The following EPHA6 variants were observed in gnomAD, a reference collection of about 807,000 sequenced individuals.
EPHA6 encodes the protein ephrin type-A receptor 6.
EPHA6 carries 50 observed loss-of-function variants against 112.0 expected under a neutral mutation model. That is an observed-to-expected ratio of 0.45 (90% CI 0.36 to 0.56). EPHA6 has a LOEUF of 0.56. Among genes scored for constraint, EPHA6 ranks in the 20% least tolerant of loss-of-function variants. EPHA6 has a pLI of 0.00. For missense variants in EPHA6, 1,280 were observed against 1,417.4 expected (o/e 0.90, Z 1.56); for synonymous variants, 529 against 490.7 (o/e 1.08, Z -1.03).
intron 1 of EPHA6, among the ~76,000 whole-genome samples, chr3:96,825,346 A>C (rs2107241673): frequency 6.6e-6 from 1 of 151,848 alleles, no homozygotes; most frequent in Non-Finnish European, 1.5e-5. Context: ...TAACAACACA[A>C]AATCTAAATT....
intron 10 of EPHA6, among the ~76,000 whole-genome samples, chr3:97,496,015 A>G (rs1018209361): frequency 1.3e-5 from 2 of 152,166 alleles, no homozygotes; most frequent in African/African-American, 4.8e-5. Flanking sequence ...AACTAAATCA[A>G]AATAACAGCT....
intron 6 of EPHA6, among the ~76,000 whole-genome samples, chr3:97,420,257 T>A (rs1211734562): frequency 6.6e-6 from 1 of 151,342 alleles, no homozygotes; most frequent in Non-Finnish European, 1.5e-5. Context: ...CTTTGATACA[T>A]CATTCCATTC....
chr3:96,952,157 A>G (rs1483263297), intron 2 of EPHA6, among the ~76,000 whole-genome samples: 2 of 152,214 alleles, frequency 1.3e-5, no homozygotes, highest in Non-Finnish European at 2.9e-5. Context: ...ACACCCATCC[A>G]GACAAGAAGG....
At chr3:97,445,460 A>T (rs547369520) in intron 6 of EPHA6, among the ~76,000 whole-genome samples, 1 of 152,302 alleles carries the variant, frequency 6.6e-6, no homozygotes, top group African/African-American at 2.4e-5. Flanking sequence ...GAATTTTTTA[A>T]ATCATACTTT....
chr3:96,961,052 A>G (rs1230414832), intron 2 of EPHA6, among the ~76,000 whole-genome samples: 1 of 152,242 alleles, frequency 6.6e-6, no homozygotes, highest in African/African-American at 2.4e-5. Context: ...GCTGGATTAA[A>G]CTGAGAATTG....
At chr3:97,561,656 T>C (rs2093194310) in intron 11 of EPHA6, among the ~76,000 whole-genome samples, 1 of 152,128 alleles carries the variant, frequency 6.6e-6, no homozygotes, top group African/African-American at 2.4e-5. Context: ...TTGCAAGTTA[T>C]CCAGAAGATC....
chr3:97,686,017 G>C (rs1216294784), intron 14 of EPHA6, among the ~76,000 whole-genome samples: 1 of 152,064 alleles, frequency 6.6e-6, no homozygotes, highest in Admixed American at 6.6e-5. Flanking sequence ...GAGAAATTAT[G>C]ATGAGTAACT....
chr3:97,105,959 T>A (rs2047554864), intron 3 of EPHA6, among the ~76,000 whole-genome samples: 1 of 152,156 alleles, frequency 6.6e-6, no homozygotes, highest in South Asian at 2.1e-4. Context: ...TGTCTAAAAT[T>A]AGGATTGCAA....
chr3:97,532,679 A>G, intron 11 of EPHA6, 136 bp downstream of exon 11: 1 of 710,138 alleles, frequency 1.4e-6, no homozygotes, highest in Non-Finnish European at 2.2e-6. Flanking sequence ...CCCCTCAGAG[A>G]CTTGATCCTA....
chr3:97,084,047 G>A (rs1458221621), intron 3 of EPHA6, among the ~76,000 whole-genome samples: 1 of 144,616 alleles, frequency 6.9e-6, no homozygotes, highest in Admixed American at 6.9e-5. Flanking sequence ...TTGGATAGGG[G>A]TGGTACATTT....
At chr3:97,126,062 CA>C (rs1014086834) in intron 3 of EPHA6, among the ~76,000 whole-genome samples, 6 of 152,214 alleles carry the variant, frequency 3.9e-5, no homozygotes, top group Non-Finnish European at 5.9e-5. Context: ...GATTACAAGA[CA>C]AAAGCCTATC....
intron 4 of EPHA6, among the ~76,000 whole-genome samples, chr3:97,229,175 A>C (rs1051327383): frequency 3.1e-4 from 47 of 150,162 alleles, no homozygotes; most frequent in African/African-American, 1.1e-3. Flanking sequence ...TTGTCCATTA[A>C]CTCTGCTGAT....
At chr3:97,306,379 C>T (rs2081320627) in intron 5 of EPHA6, among the ~76,000 whole-genome samples, 1 of 150,252 alleles carries the variant, frequency 6.7e-6, no homozygotes, top group South Asian at 2.1e-4. Flanking sequence ...CTCTCCAGAC[C>T]TGCCCTTAAG....
intron 3 of EPHA6, among the ~76,000 whole-genome samples, chr3:97,055,714 C>T (rs543242991): frequency 5.1e-4 from 77 of 152,176 alleles, no homozygotes; most frequent in South Asian, 1.5e-3. Context: ...TACAGTTTTT[C>T]AAGACTATAA....
At chr3:97,334,566 A>C (rs372943745) in intron 5 of EPHA6, among the ~76,000 whole-genome samples, 132 of 146,182 alleles carry the variant, frequency 9.0e-4, no homozygotes, top group African/African-American at 2.7e-3. Context: ...TGCAACCTTG[A>C]GATACCGTGC....
Position 97,013,463 on chromosome 3 carries a change from A to G in EPHA6, c.1114+25470A>G, listed in dbSNP as rs528870776. Among the ~76,000 whole-genome samples the G allele has an allele frequency of 6.6e-5, 10 of 152,222 alleles. No homozygotes were observed. In the South Asian group the frequency reaches 2.1e-3, roughly 32 times the overall value. ...AGCAATCCTAGATATATGTTTATTA[A>G]GGTGTGATGGAGGCCTAATATTTAC... On this transcript the variant is annotated intron_variant, in intron 3 of 17. Transcript: ENST00000389672.
chr3:97,485,667 C>T (rs759630178), intron 10 of EPHA6, among the ~76,000 whole-genome samples: 3 of 152,166 alleles, frequency 2.0e-5, no homozygotes, highest in Non-Finnish European at 2.9e-5. Flanking sequence ...CTGTCTTCTT[C>T]CACTGAACAA....
At chr3:97,692,676 C>CT (rs2032747401) in intron 14 of EPHA6, among the ~76,000 whole-genome samples, 1 of 152,208 alleles carries the variant, frequency 6.6e-6, no homozygotes, top group Non-Finnish European at 1.5e-5. Flanking sequence ...ATAGTGACAT[C>CT]TTTTCGTAGT....
At chr3:96,939,965 A>G (rs1345515221) in intron 2 of EPHA6, among the ~76,000 whole-genome samples, 1 of 152,076 alleles carries the variant, frequency 6.6e-6, no homozygotes, top group Non-Finnish European at 1.5e-5. Context: ...GTGGTCTGAG[A>G]GACAGTTTGT....
Sources: gnomAD v4.1 joint callset for allele counts (sites outside exome capture counted in the v4.1 genomes callset) on GRCh38, gnomAD v4.1.1 for gene constraint, MANE v1.5 for transcripts, NCBI Gene and HGNC (gene_info 2026-07-23, HGNC 2026-07-21) for gene names.